Variants in CLDN10 observed in about 807,000 individuals in gnomAD.
CLDN10 encodes the protein claudin 10.
A neutral mutation model predicts 22.9 loss-of-function variants in CLDN10; 15 were observed. The observed-to-expected ratio is 0.65, with a 90% CI of 0.44 to 1.01. The LOEUF (loss-of-function observed/expected upper bound fraction) is 1.01, where lower values mean the gene tolerates loss of function less well. CLDN10 is among the 50% of genes least tolerant of loss of function. The pLI, the probability that CLDN10 is intolerant of heterozygous loss-of-function variation, is 0.00. For missense variants in CLDN10, 247 were observed against 287.8 expected (o/e 0.86, Z 1.03); for synonymous variants, 114 against 111.4 (o/e 1.02, Z -0.15).
At chr13:95,534,935 C>T (rs752298534) in intron 1 of CLDN10, among the ~76,000 whole-genome samples, 6 of 152,100 alleles carry the variant, frequency 3.9e-5, no homozygotes, top group African/African-American at 1.2e-4. Context: ...TCCAATTCTG[C>T]GCAGTAAATG....
intron 1 of CLDN10, among the ~76,000 whole-genome samples, chr13:95,509,888 A>T (rs1272394899): frequency 6.6e-6 from 1 of 152,178 alleles, no homozygotes; most frequent in Non-Finnish European, 1.5e-5. Flanking sequence ...TAGCACCCTG[A>T]CTGTAAAATG....
chr13:95,450,881 G>C (rs911572255), intron 1 of CLDN10, among the ~76,000 whole-genome samples: 1 of 152,216 alleles, frequency 6.6e-6, no homozygotes, highest in African/African-American at 2.4e-5. Flanking sequence ...CCCAAAGGCA[G>C]AGCTTCCTCC....
At chr13:95,573,249 G>A (rs1393686295) in intron 3 of CLDN10, among the ~76,000 whole-genome samples, 11 of 152,136 alleles carry the variant, frequency 7.2e-5, no homozygotes, top group Admixed American at 3.9e-4. Flanking sequence ...GAAGTTATAC[G>A]CGCAGCTTTT....
intron 1 of CLDN10, among the ~76,000 whole-genome samples, chr13:95,487,343 A>C (rs2042814839): frequency 6.6e-6 from 1 of 152,238 alleles, no homozygotes; most frequent in Admixed American, 6.5e-5. Context: ...TTGAATATTC[A>C]GTACAAATAA....
chr13:95,484,705 A>T (rs1486157183), intron 1 of CLDN10, among the ~76,000 whole-genome samples: 5 of 99,688 alleles, frequency 5.0e-5, no homozygotes, highest in Non-Finnish European at 1.0e-4. Context: ...AAAAAAAAAA[A>T]ACCCACAAAA....
At chr13:95,483,682 C>A (rs372223900) in intron 1 of CLDN10, among the ~76,000 whole-genome samples, 1 of 152,320 alleles carries the variant, frequency 6.6e-6, no homozygotes, top group East Asian at 1.9e-4. Context: ...CTCAGCAAAC[C>A]TCACCAAGAG....
chr13:95,463,312 A>T (rs1221173819), intron 1 of CLDN10, among the ~76,000 whole-genome samples: 1 of 89,496 alleles, frequency 1.1e-5, no homozygotes, highest in Non-Finnish European at 2.1e-5. Context: ...ATATATATAT[A>T]TATATATATA....
At chr13:95,539,787 A>G (rs1396076793) in intron 1 of CLDN10, among the ~76,000 whole-genome samples, 1 of 152,194 alleles carries the variant, frequency 6.6e-6, no homozygotes, top group Admixed American at 6.5e-5. Flanking sequence ...TTCTGTTTCT[A>G]TAGAAATTTG....
At chr13:95,570,402 T>C (rs908667756) in intron 3 of CLDN10, among the ~76,000 whole-genome samples, 1 of 152,334 alleles carries the variant, frequency 6.6e-6, no homozygotes, top group East Asian at 1.9e-4. Context: ...TTTTGGAACA[T>C]GAGATGTTCC....
At chr13:95,542,523 T>G (rs1294585353) in intron 1 of CLDN10, among the ~76,000 whole-genome samples, 2 of 152,226 alleles carry the variant, frequency 1.3e-5, no homozygotes, top group Non-Finnish European at 2.9e-5. Context: ...CACTAAATAA[T>G]TTTAAAATGA....
intron 1 of CLDN10, among the ~76,000 whole-genome samples, chr13:95,486,737 C>T (rs1237075485): frequency 3.3e-5 from 5 of 152,046 alleles, no homozygotes; most frequent in Non-Finnish European, 5.9e-5. Context: ...CTTTTTCCAT[C>T]CTGGCCATAT....
At chr13:95,473,096 TACC>T (rs1035993425) in intron 1 of CLDN10, among the ~76,000 whole-genome samples, 5 of 142,746 alleles carry the variant, frequency 3.5e-5, no homozygotes, top group Non-Finnish European at 6.0e-5. Flanking sequence ...GCTACGATCG[TACC>T]ACAGCACTTC....
intron 3 of CLDN10, among the ~76,000 whole-genome samples, chr13:95,563,209 GGA>G (rs71764554): frequency 5.4e-4 from 79 of 147,430 alleles, no homozygotes; most frequent in Middle Eastern, 3.5e-3. Flanking sequence ...AGTTAAGAGA[GGA>G]GAGAGAGAGA....
chr13:95,558,705 C>T (rs574790952), intron 1 of CLDN10, among the ~76,000 whole-genome samples: 3 of 152,128 alleles, frequency 2.0e-5, no homozygotes, highest in African/African-American at 2.4e-5. Flanking sequence ...GCAAGAGGAT[C>T]GCTTGAGGCC....
At chr13:95,563,397 C>T (rs1038443859) in intron 3 of CLDN10, among the ~76,000 whole-genome samples, 2 of 152,046 alleles carry the variant, frequency 1.3e-5, no homozygotes, top group Non-Finnish European at 1.5e-5. Context: ...AAATATAACA[C>T]CTACAATTCA....
intron 3 of CLDN10, among the ~76,000 whole-genome samples, chr13:95,575,388 C>T (rs999816222): frequency 1.3e-5 from 2 of 152,176 alleles, no homozygotes; most frequent in Admixed American, 1.3e-4. Context: ...TGACATGCAC[C>T]TCCAGTTTGG....
intron 1 of CLDN10, among the ~76,000 whole-genome samples, chr13:95,482,320 T>C (rs548179749): frequency 6.6e-6 from 1 of 152,298 alleles, no homozygotes; most frequent in East Asian, 1.9e-4. Context: ...AGGTTAGATT[T>C]GGCCCAAAGT....
chr13:95,570,858 G>GTGTATATA lies in CLDN10; in HGVS notation c.465-6372_465-6371insGTATATAT, dbSNP rs60359070. Among the ~76,000 whole-genome samples, 103 of 119,718 alleles carry GTGTATATA rather than the reference G, an allele frequency of 8.6e-4. 1 individual carries two copies. In the Middle Eastern group the frequency reaches 0.015, roughly 17 times the overall value. The allele number at this position is 119,718 out of a possible 152,430, so 78.5% of individuals were successfully genotyped here. The stretch of plus-strand genomic sequence containing the variant: ...CACACACACACACACATATACGTGT[G>GTGTATATA]TATATATATATATATATATATATAT... On this transcript the variant is annotated intron_variant, in intron 3 of 4. Coordinates refer to ENST00000299339, the MANE Select transcript of CLDN10 (RefSeq NM_006984.5).
chr13:95,516,316 A>T (rs1199406763), intron 1 of CLDN10, among the ~76,000 whole-genome samples: 1 of 152,198 alleles, frequency 6.6e-6, no homozygotes, highest in Non-Finnish European at 1.5e-5. Context: ...ATTATAAAAT[A>T]TAAGAAACAG....
Sources: allele counts gnomAD v4.1 joint callset (sites outside exome capture counted in the v4.1 genomes callset), GRCh38; gene constraint gnomAD v4.1.1; transcripts MANE v1.5; gene names NCBI Gene and HGNC (gene_info 2026-07-23, HGNC 2026-07-21).